The following DNAH7 variants were observed in gnomAD, a reference collection of about 807,000 sequenced individuals.
DNAH7 encodes the protein axonemal beta dynein heavy chain 7.
DNAH7 carries 397 observed loss-of-function variants against 444.6 expected under a neutral mutation model. That is an observed-to-expected ratio of 0.89 (90% CI 0.82 to 0.97). DNAH7 has a LOEUF of 0.97. Ranked by LOEUF, DNAH7 falls within the 50% of genes least tolerant of loss-of-function variation. The pLI is 0.00. For missense variants in DNAH7, 4,902 were observed against 4,800.8 expected (o/e 1.02, Z -0.62); for synonymous variants, 1,636 against 1,624.4 (o/e 1.01, Z -0.17).
At position 196,009,862 on chromosome 2, in the gene DNAH7, C is replaced by G. The variant is rs188627008; in HGVS notation, c.989+2925G>C. Among the ~76,000 whole-genome samples, 7 of 152,272 alleles carry G rather than the reference C, an allele frequency of 4.6e-5. No homozygotes were observed. In the East Asian group the frequency reaches 1.2e-3, roughly 25 times the overall value. On this transcript the variant is annotated intron_variant, in intron 10 of 64. Coordinates refer to ENST00000312428, the MANE Select transcript of DNAH7 (RefSeq NM_018897.3). ...AAAATGGGCAAATGATTGAAATAAA[C>G]ATTTCCCAAAATAAAATGTACAAAT...
Position 195,845,104 on chromosome 2 carries a change from C to G in DNAH7, c.8843G>C (p.Cys2948Ser). The G allele has an allele frequency of 6.2e-7, 1 of 1,613,810 alleles. No individual in the cohort carries two copies. Among genetic ancestry groups the G allele is most frequent in the Middle Eastern group, 1.7e-4 (1 of 6,058 alleles). ...TTCTCCCAGGGTACCCATAAGAGAG[C>G]AATCATCTGAGCAGGGGATATCTCT... ...KGRDIPCSDD[C>S]SLMGTLGEAV... The change falls in exon 47 of 65, where the codon TGC becomes TCC. Residue 2948 changes from cysteine to serine, a missense_variant. Physicochemically the swap from Cys to Ser is moderately radical, Grantham distance 112. Coordinates refer to ENST00000312428, the MANE Select transcript of DNAH7 (RefSeq NM_018897.3).
intron 28 of DNAH7, among the ~76,000 whole-genome samples, chr2:195,899,319 TAGGATTCATTTGC>T (rs1466552288): frequency 6.6e-6 from 1 of 152,212 alleles, no homozygotes; most frequent in South Asian, 2.1e-4. Flanking sequence ...AAAAGAATGA[TAGGATTCATTTGC>T]AGGATTCATT....
chr2:195,812,016 C>T (rs1696993890), intron 51 of DNAH7, among the ~76,000 whole-genome samples: 1 of 152,156 alleles, frequency 6.6e-6, no homozygotes, highest in Non-Finnish European at 1.5e-5. Flanking sequence ...ATTGTAGAAC[C>T]TAAGATTGAC....
At chr2:195,886,380 T>C (rs1190463108) in intron 33 of DNAH7, 108 bp from the exon 34 acceptor site, 1 of 1,026,664 alleles carries the variant, frequency 9.7e-7, no homozygotes, top group African/African-American at 1.6e-5. Flanking sequence ...GTAGTAATAA[T>C]TTTAAATTCA....
chr2:195,839,721 A>G (rs2124984571), intron 47 of DNAH7, among the ~76,000 whole-genome samples: 1 of 151,866 alleles, frequency 6.6e-6, no homozygotes, highest in South Asian at 2.1e-4. Flanking sequence ...AATATTAAGG[A>G]AATACTATAA....
intron 21 of DNAH7, 78 bp downstream of exon 21, chr2:195,934,513 A>T: frequency 7.0e-7 from 1 of 1,418,626 alleles, no homozygotes; most frequent in Non-Finnish European, 9.8e-7. Context: ...AAATAACAGT[A>T]CATTTATCAA....
chr2:195,875,678 G>T lies in DNAH7; in HGVS notation c.6283C>A (p.Pro2095Thr). The stretch of plus-strand genomic sequence containing the variant: ...ATCACAAACTCAAAAAATGTACCTG[G>T]AGGTCCCATAGCACACATGATCTGA... ...DIQIMCAMGP[P>T]GGGRNPVTPR... Residue 2095 changes from proline to threonine, a missense_variant, in exon 38 of 65, where the codon CCA (proline) becomes ACA (threonine). By Grantham distance (38) the Pro-to-Thr change is conservative. Coordinates refer to ENST00000312428, the MANE Select transcript of DNAH7 (RefSeq NM_018897.3). The T allele has an allele frequency of 6.4e-7, 1 of 1,562,102 alleles. No individual in the cohort carries two copies. Among genetic ancestry groups the T allele is most frequent in the Non-Finnish European group, 8.7e-7 (1 of 1,155,034 alleles).
At chr2:195,941,451 CAAAA>C (rs1207029040) in intron 19 of DNAH7, among the ~76,000 whole-genome samples, 2 of 56,776 alleles carry the variant, frequency 3.5e-5, no homozygotes, top group Non-Finnish European at 8.2e-5. Flanking sequence ...ACCTAGATGA[CAAAA>C]AAAAAAAAAA....
Position 195,841,677 on chromosome 2 carries a change from A to AT in DNAH7, c.8945+3324dup, listed in dbSNP as rs11297010. On this transcript the variant is annotated intron_variant, in intron 47 of 64. Transcript: ENST00000312428. The stretch of plus-strand genomic sequence containing the variant: ...TACTTCTTCTCCATTATTATTTTGT[A>AT]TTTTTTTTTTAACAAGAAAATGTTT... 1.0e-3 allele frequency among the ~76,000 whole-genome samples: 154 copies of AT among 150,902 alleles called. 1 individual carries two copies. The highest frequency in any genetic ancestry group is 2.8e-3 in the African/African-American group (114 of 41,184).
At chr2:195,832,171 T>C (rs1043538680) in intron 48 of DNAH7, among the ~76,000 whole-genome samples, 4 of 152,168 alleles carry the variant, frequency 2.6e-5, no homozygotes, top group Non-Finnish European at 5.9e-5. Context: ...ACCCACTAAA[T>C]TGGTTATCTC....
intron 23 of DNAH7, among the ~76,000 whole-genome samples, chr2:195,922,730 A>G (rs1688098484): frequency 6.6e-6 from 1 of 152,112 alleles, no homozygotes; most frequent in East Asian, 1.9e-4. Flanking sequence ...CCCACGCCCA[A>G]TAGGCCCTAT....
At chr2:195,868,867 T>C (rs546706356) in intron 40 of DNAH7, among the ~76,000 whole-genome samples, 6 of 149,184 alleles carry the variant, frequency 4.0e-5, no homozygotes, top group Non-Finnish European at 8.9e-5. Context: ...AGTGAAATTA[T>C]ATAAGGTTAT....
At chr2:195,797,756 T>C (rs1696232616) in intron 55 of DNAH7, among the ~76,000 whole-genome samples, 1 of 152,156 alleles carries the variant, frequency 6.6e-6, no homozygotes, top group South Asian at 2.1e-4. Flanking sequence ...ACTTTATAAA[T>C]TATAGGTCAG....
intron 24 of DNAH7, among the ~76,000 whole-genome samples, chr2:195,915,410 G>T (rs1687613547): frequency 6.6e-6 from 1 of 152,142 alleles, no homozygotes. Context: ...GCATAAGAAA[G>T]AGTTTGGTGT....
At chr2:196,019,643 T>G (rs1034451289) in intron 8 of DNAH7, among the ~76,000 whole-genome samples, 4 of 152,240 alleles carry the variant, frequency 2.6e-5, no homozygotes, top group African/African-American at 9.6e-5. Flanking sequence ...GATTCTCTAC[T>G]AATTTCAGGA....
intron 37 of DNAH7, 29 bp downstream of exon 37, chr2:195,876,515 G>T (rs375947383): frequency 1.9e-6 from 3 of 1,604,648 alleles, no homozygotes; most frequent in Non-Finnish European, 2.6e-6. Context: ...TATATGAATA[G>T]GCCCGGGTAC....
intron 19 of DNAH7, among the ~76,000 whole-genome samples, chr2:195,943,805 T>C (rs1205422371): frequency 6.6e-6 from 1 of 152,192 alleles, no homozygotes; most frequent in Non-Finnish European, 1.5e-5. Flanking sequence ...ATATATTAAA[T>C]GATTATTCTA....
At chr2:195,779,804 C>T (rs922263263) in intron 58 of DNAH7, among the ~76,000 whole-genome samples, 17 of 152,044 alleles carry the variant, frequency 1.1e-4, no homozygotes, top group African/African-American at 4.1e-4. Context: ...TGGGGTTTCA[C>T]CATGTTGCCC....
rs560532364 is a variant in DNAH7, at chr2:195,885,741, T to C, written c.5538+400A>G. ...ATTTATACACACACACACATACAAA[T>C]AATTTATATCTCATGAAAAAAGGAA... is the stretch of plus-strand genomic sequence containing the variant. On this transcript the variant is annotated intron_variant, in intron 34 of 64. Transcript: ENST00000312428. Among the ~76,000 whole-genome samples the C allele has an allele frequency of 2.6e-5, 4 of 152,254 alleles. No homozygotes were observed. In the South Asian group the frequency reaches 6.2e-4, roughly 24 times the overall value.
Sources: gnomAD v4.1 joint callset for allele counts (sites outside exome capture counted in the v4.1 genomes callset) on GRCh38, gnomAD v4.1.1 for gene constraint, MANE v1.5 for transcripts, NCBI Gene and HGNC (gene_info 2026-07-23, HGNC 2026-07-21) for gene names.